The following VPS53 variants were observed in gnomAD, a reference collection of about 807,000 sequenced individuals.
The protein encoded by VPS53 is VPS53 subunit of GARP complex, also known as vacuolar protein sorting-associated protein 53 homolog.
Under a neutral mutation model 107.0 loss-of-function variants are expected in VPS53, and 70 were observed. The observed-to-expected ratio is 0.65, with a 90% CI of 0.54 to 0.80. The LOEUF (loss-of-function observed/expected upper bound fraction) is 0.80. VPS53 is among the 30% of genes least tolerant of loss of function. The pLI, the probability that VPS53 is intolerant of heterozygous loss-of-function variation, is 0.00. For synonymous variants in VPS53, 409 were observed against 393.3 expected, an observed-to-expected ratio of 1.04 and a Z score of -0.47; for missense variants, 917 against 1,049.4, an observed-to-expected ratio of 0.87 and a Z score of 1.74.
chr17:703,455 G>A (rs1973282553), intron 2 of VPS53, among the ~76,000 whole-genome samples: 1 of 152,228 alleles, frequency 6.6e-6, no homozygotes, highest in Non-Finnish European at 1.5e-5. Flanking sequence ...TTAGTTCAGT[G>A]TCTGGCTATG....
chr17:606,326 G>A (rs1044182828), intron 11 of VPS53, among the ~76,000 whole-genome samples: 1 of 152,126 alleles, frequency 6.6e-6, no homozygotes, highest in African/African-American at 2.4e-5. Flanking sequence ...ACCCGGGTTC[G>A]AGTCCAGGTT....
At chr17:708,227 AT>A (rs1973493729) in intron 2 of VPS53, among the ~76,000 whole-genome samples, 1 of 152,154 alleles carries the variant, frequency 6.6e-6, no homozygotes, top group Non-Finnish European at 1.5e-5. Context: ...ACCCACTGCT[AT>A]TTATTGTATA....
intron 11 of VPS53, among the ~76,000 whole-genome samples, chr17:620,485 C>A (rs1009265048): frequency 6.6e-6 from 1 of 152,150 alleles, no homozygotes; most frequent in Admixed American, 6.6e-5. Context: ...CGGCTTCAAC[C>A]ACAGTAGCTC....
chr17:593,763 G>A (rs1028917533), intron 12 of VPS53, among the ~76,000 whole-genome samples: 13 of 152,134 alleles, frequency 8.5e-5, no homozygotes, highest in Admixed American at 8.5e-4. Context: ...ATTCCTCAGG[G>A]ATCTAGAACT....
At chr17:682,347 G>C (rs951932817) in intron 4 of VPS53, among the ~76,000 whole-genome samples, 28 of 152,070 alleles carry the variant, frequency 1.8e-4, no homozygotes, top group Admixed American at 6.6e-4. Flanking sequence ...ACACTAACAA[G>C]GAGGAAAACG....
At chr17:630,947 G>A (rs899739193) in intron 8 of VPS53, among the ~76,000 whole-genome samples, 1 of 152,146 alleles carries the variant, frequency 6.6e-6, no homozygotes, top group Admixed American at 6.6e-5. Context: ...TTGGAAGGGT[G>A]GAGCTAAAAG....
At position 666,145 on chromosome 17, in the gene VPS53, G is replaced by T. The variant is rs550698742; in HGVS notation, c.286-4250C>A. On this transcript the variant is annotated intron_variant, in intron 4 of 21. Transcript: ENST00000437048. The stretch of plus-strand genomic sequence containing the variant: ...TTAGAGATGATATGTAAGTCTGTAA[G>T]ATTAGAAGTCACCTAGGAAGACAGA... Among the ~76,000 whole-genome samples the T allele has an allele frequency of 3.0e-4, 46 of 152,318 alleles. No individual in the cohort carries two copies. In the South Asian group the frequency reaches 9.5e-3, roughly 32 times the overall value.
chr17:671,059 C>G (rs371957817), intron 4 of VPS53, among the ~76,000 whole-genome samples: 1 of 152,120 alleles, frequency 6.6e-6, no homozygotes, highest in Admixed American at 6.5e-5. Flanking sequence ...GGTGAAACCC[C>G]GTCTCTTCTA....
At chr17:596,091 T>C (rs6598819) in intron 12 of VPS53, among the ~76,000 whole-genome samples, 4,729 of 152,356 alleles carry the variant, frequency 0.031, 244 homozygotes, top group African/African-American at 0.1. Flanking sequence ...CTCGCTGTAC[T>C]AGGTTTATAA....
intron 1 of VPS53, among the ~76,000 whole-genome samples, chr17:713,805 C>T (rs1023808550): frequency 1.3e-5 from 2 of 151,942 alleles, no homozygotes; most frequent in Non-Finnish European, 2.9e-5. Flanking sequence ...TTTGGGAGGC[C>T]AAGGCGGGCG....
At position 588,045 on chromosome 17, in the gene VPS53, C is replaced by T. The variant is rs1003748155; in HGVS notation, c.1219-1681G>A. Among the ~76,000 whole-genome samples, 11 of 152,282 alleles carry T rather than the reference C, an allele frequency of 7.2e-5. No homozygotes were observed. The South Asian group carries it at 2.3e-3, about 32-fold the overall frequency. On this transcript the variant is annotated intron_variant, in intron 12 of 21. Coordinates refer to ENST00000437048, the MANE Select transcript of VPS53 (RefSeq NM_001128159.3). ...TTGTGGTAAGAATGCTTGCTGGGCA[C>T]GGTGGCTCACGCCTGTAATCCCAGC... is the stretch of plus-strand genomic sequence containing the variant.
chr17:542,956 G>A (rs866100876), intron 17 of VPS53, among the ~76,000 whole-genome samples: 6 of 149,564 alleles, frequency 4.0e-5, no homozygotes, highest in Non-Finnish European at 8.9e-5. Context: ...CCAGCCTGCC[G>A]GATAGAGCGA....
chr17:693,912 C>T (rs1972859048), intron 4 of VPS53, among the ~76,000 whole-genome samples: 1 of 152,170 alleles, frequency 6.6e-6, no homozygotes, highest in Non-Finnish European at 1.5e-5. Context: ...AAGAGGGGAA[C>T]GTGGGGCCTC....
intron 18 of VPS53, among the ~76,000 whole-genome samples, chr17:533,735 T>C (rs546053680): frequency 6.6e-6 from 1 of 152,326 alleles, no homozygotes; most frequent in South Asian, 2.1e-4. Flanking sequence ...TTCACCTGAC[T>C]ATTAAGGCAA....
At chr17:597,898 T>C (rs879682714) in intron 12 of VPS53, among the ~76,000 whole-genome samples, 22 of 151,738 alleles carry the variant, frequency 1.4e-4, no homozygotes, top group Non-Finnish European at 2.7e-4. Context: ...ATAAAACCTC[T>C]GGTTCAAAAA....
chr17:607,081 G>A (rs1031453807), intron 11 of VPS53, among the ~76,000 whole-genome samples: 4 of 152,212 alleles, frequency 2.6e-5, no homozygotes, highest in Non-Finnish European at 5.9e-5. Flanking sequence ...GTCTGGCACA[G>A]AGGGCAAGGC....
Position 627,968 on chromosome 17 carries a change from C to T in VPS53, c.831+120G>A, listed in dbSNP as rs1407198968. ...TAAACTCAGCCCCTAGGACTCACAG[C>T]TCAACAACCAACACTGTCAGACAGT... On this transcript the variant is annotated intron_variant, in intron 9 of 21. Coordinates refer to ENST00000437048, the MANE Select transcript of VPS53 (RefSeq NM_001128159.3). 4 of 1,035,882 alleles carry T rather than the reference C, an allele frequency of 3.9e-6. No individual in the cohort carries two copies. The East Asian group carries it at 1.1e-4, about 28-fold the overall frequency. 64.2% of individuals were successfully genotyped at this position (1,035,882 alleles called of 1,614,324 possible).
At chr17:611,875 A>G (rs1021374022) in intron 11 of VPS53, among the ~76,000 whole-genome samples, 12 of 152,232 alleles carry the variant, frequency 7.9e-5, no homozygotes, top group African/African-American at 2.7e-4. Context: ...GTGAGTTCAT[A>G]CAGTGAAAAC....
At chr17:707,354 T>C (rs966860963) in intron 2 of VPS53, among the ~76,000 whole-genome samples, 3 of 151,706 alleles carry the variant, frequency 2.0e-5, no homozygotes, top group Admixed American at 1.3e-4. Flanking sequence ...AAACCCCATC[T>C]CTACTAAAAA....
Sources: gnomAD v4.1 joint callset for allele counts (sites outside exome capture counted in the v4.1 genomes callset) on GRCh38, gnomAD v4.1.1 for gene constraint, MANE v1.5 for transcripts, NCBI Gene and HGNC (gene_info 2026-07-23, HGNC 2026-07-21) for gene names.